Variants in IMMP2L observed in about 807,000 individuals in gnomAD.
IMMP2L encodes the protein inner mitochondrial membrane peptidase subunit 2.
IMMP2L carries 18 observed loss-of-function variants against 19.3 expected under a neutral mutation model. That is an observed-to-expected ratio of 0.93 (90% CI 0.64 to 1.38). The LOEUF is 1.38. IMMP2L is among the 40% of genes most tolerant of loss of function. The pLI is 0.00. For synonymous variants in IMMP2L, 76 were observed against 73.0 expected (o/e 1.04, Z -0.21); for missense variants, 233 against 218.2 (o/e 1.07, Z -0.43).
intron 3 of IMMP2L, among the ~76,000 whole-genome samples, chr7:111,352,866 T>C (rs1218894243): frequency 6.6e-6 from 1 of 152,152 alleles, no homozygotes; most frequent in African/African-American, 2.4e-5. Context: ...CATACTACCA[T>C]TCCTGGCTTC....
At chr7:110,947,278 T>A (rs1055099143) in intron 4 of IMMP2L, among the ~76,000 whole-genome samples, 1 of 152,190 alleles carries the variant, frequency 6.6e-6, no homozygotes, top group Admixed American at 6.5e-5. Flanking sequence ...CCTTCCACTT[T>A]ATTGTTAAGG....
intron 1 of IMMP2L, among the ~76,000 whole-genome samples, chr7:111,522,496 G>T (rs1846429906): frequency 6.6e-6 from 1 of 151,914 alleles, no homozygotes; most frequent in African/African-American, 2.4e-5. Flanking sequence ...ATGCCCAAGA[G>T]CTTAACAATA....
intron 3 of IMMP2L, among the ~76,000 whole-genome samples, chr7:111,481,821 T>C (rs760292774): frequency 1.3e-5 from 2 of 152,188 alleles, no homozygotes; most frequent in Non-Finnish European, 2.9e-5. Flanking sequence ...TGGGAAAAGA[T>C]TTAGACGTAG....
intron 5 of IMMP2L, among the ~76,000 whole-genome samples, chr7:110,821,768 A>C (rs1337801753): frequency 6.6e-6 from 1 of 151,862 alleles, no homozygotes; most frequent in Non-Finnish European, 1.5e-5. Flanking sequence ...AAAAAGAAAA[A>C]AAAAATTACC....
chr7:111,544,049 TTAAAA>T (rs961151176), intron 1 of IMMP2L, among the ~76,000 whole-genome samples: 7 of 152,102 alleles, frequency 4.6e-5, no homozygotes, highest in African/African-American at 1.7e-4. Context: ...AATTCTATAC[TTAAAA>T]TTAAGTATGG....
At chr7:110,849,917 G>A (rs1806026821) in intron 5 of IMMP2L, among the ~76,000 whole-genome samples, 1 of 151,956 alleles carries the variant, frequency 6.6e-6, no homozygotes, top group Non-Finnish European at 1.5e-5. Context: ...CCATATAAGT[G>A]TTCAGTAACT....
intron 5 of IMMP2L, among the ~76,000 whole-genome samples, chr7:110,716,564 G>GT (rs1795247650): frequency 1.3e-5 from 2 of 152,146 alleles, no homozygotes; most frequent in African/African-American, 2.4e-5. Flanking sequence ...ATGAAGCTTA[G>GT]TTTGGCAGGA....
At chr7:111,182,255 C>T (rs986713682) in intron 3 of IMMP2L, among the ~76,000 whole-genome samples, 4 of 151,936 alleles carry the variant, frequency 2.6e-5, no homozygotes, top group South Asian at 4.1e-4. Flanking sequence ...CCCACTTACC[C>T]GGCTAATAAT....
chr7:111,264,890 G>A (rs1817673850), intron 3 of IMMP2L, among the ~76,000 whole-genome samples: 1 of 152,094 alleles, frequency 6.6e-6, no homozygotes, highest in African/African-American at 2.4e-5. Flanking sequence ...GAACCAATGG[G>A]AAAGGACGCT....
rs757362734 is a variant in IMMP2L, at chr7:111,465,501, TAAAAAAAA to T, written c.239+21729_239+21736del. Among the ~76,000 whole-genome samples, 5 of 64,314 alleles carry T rather than the reference TAAAAAAAA, an allele frequency of 7.8e-5. No individual in the cohort carries two copies. The South Asian group carries it at 1.8e-3, about 23-fold the overall frequency. 42.2% of individuals were successfully genotyped at this position (64,314 alleles called of 152,430 possible). On this transcript the variant is annotated intron_variant, in intron 3 of 5. Coordinates refer to ENST00000405709, the MANE Select transcript of IMMP2L (RefSeq NM_032549.4). ...AGTAGTGTTTGAGACCAGGTGTCAC[TAAAAAAAA>T]AAAAAAAAAAAAAAAATTAAAAATT...
At chr7:111,191,524 T>G (rs1808876797) in intron 3 of IMMP2L, among the ~76,000 whole-genome samples, 1 of 152,054 alleles carries the variant, frequency 6.6e-6, no homozygotes, top group Non-Finnish European at 1.5e-5. Flanking sequence ...TGGGAATGAC[T>G]TTTAATGTAC....
intron 2 of IMMP2L, among the ~76,000 whole-genome samples, chr7:111,493,729 C>T (rs1403285977): frequency 1.5e-5 from 2 of 136,846 alleles, no homozygotes; most frequent in East Asian, 2.3e-4. Context: ...AAACAGTGGC[C>T]GGTCACGGTG....
chr7:111,056,438 T>C (rs1044282664), intron 3 of IMMP2L, among the ~76,000 whole-genome samples: 7 of 152,214 alleles, frequency 4.6e-5, no homozygotes, highest in African/African-American at 1.7e-4. Flanking sequence ...ATTAAATCCC[T>C]CTAAATATAT....
chr7:110,740,495 A>G (rs1379747126), intron 5 of IMMP2L, among the ~76,000 whole-genome samples: 3 of 152,214 alleles, frequency 2.0e-5, no homozygotes, highest in Non-Finnish European at 4.4e-5. Context: ...CTGGAAATAT[A>G]CAACCCTCCT....
chr7:110,991,943 T>C (rs933050095), intron 3 of IMMP2L, among the ~76,000 whole-genome samples: 1 of 152,142 alleles, frequency 6.6e-6, no homozygotes, highest in Admixed American at 6.6e-5. Flanking sequence ...TGGAAAAGGC[T>C]ACTCAATTTT....
chr7:110,852,615 T>C (rs1311685367), intron 5 of IMMP2L, among the ~76,000 whole-genome samples: 1 of 152,046 alleles, frequency 6.6e-6, no homozygotes, highest in Non-Finnish European at 1.5e-5. Context: ...GTTTTTATCT[T>C]TACTACCCTG....
At chr7:110,698,898 T>C (rs905005793) in intron 5 of IMMP2L, among the ~76,000 whole-genome samples, 1 of 152,234 alleles carries the variant, frequency 6.6e-6, no homozygotes, top group Non-Finnish European at 1.5e-5. Flanking sequence ...CTGGATGCTT[T>C]AAGAAATATT....
At chr7:111,407,702 T>A (rs73424086) in intron 3 of IMMP2L, among the ~76,000 whole-genome samples, 1,841 of 152,118 alleles carry the variant, frequency 0.012, 30 homozygotes, top group Middle Eastern at 0.054. Flanking sequence ...TCAGGATGAT[T>A]AAAACATTCC....
intron 5 of IMMP2L, among the ~76,000 whole-genome samples, chr7:110,756,699 A>C (rs780300236): frequency 6.6e-6 from 1 of 152,160 alleles, no homozygotes; most frequent in African/African-American, 2.4e-5. Flanking sequence ...CTACATGCCA[A>C]CTGTTAATTT....
Sources: allele counts gnomAD v4.1 joint callset (sites outside exome capture counted in the v4.1 genomes callset), GRCh38; gene constraint gnomAD v4.1.1; transcripts MANE v1.5; gene names NCBI Gene and HGNC (gene_info 2026-07-23, HGNC 2026-07-21).